Variants in SSBP2 observed in about 807,000 individuals in gnomAD.
SSBP2 encodes the protein single stranded DNA binding protein 2.
A neutral mutation model predicts 61.8 loss-of-function variants in SSBP2; 17 were observed. That is an observed-to-expected ratio of 0.28 (90% CI 0.19 to 0.41). The LOEUF is 0.41. Among genes scored for constraint, SSBP2 ranks in the 10% least tolerant of loss-of-function variants. SSBP2 has a pLI of 1.00. For missense variants in SSBP2, 310 were observed against 458.7 expected (o/e 0.68, Z 2.96); for synonymous variants, 139 against 141.3 (o/e 0.98, Z 0.12).
At chr5:81,606,383 A>G (rs1206928624) in intron 4 of SSBP2, among the ~76,000 whole-genome samples, 2 of 152,190 alleles carry the variant, frequency 1.3e-5, no homozygotes, top group African/African-American at 4.8e-5. Flanking sequence ...CACAGAGACC[A>G]TTTAGAAAGT....
chr5:81,484,280 T>C (rs760325732), intron 6 of SSBP2, among the ~76,000 whole-genome samples: 33 of 152,146 alleles, frequency 2.2e-4, no homozygotes, highest in Non-Finnish European at 4.4e-4. Context: ...GCAAAAGAAG[T>C]GAACATTGTA....
intron 4 of SSBP2, among the ~76,000 whole-genome samples, chr5:81,545,558 T>A (rs902635271): frequency 2.6e-5 from 4 of 152,186 alleles, no homozygotes; most frequent in African/African-American, 9.7e-5. Flanking sequence ...TTCTTCTGCC[T>A]CTCAGGCACA....
At chr5:81,487,821 C>T (rs1203640559) in intron 6 of SSBP2, among the ~76,000 whole-genome samples, 1 of 150,794 alleles carries the variant, frequency 6.6e-6, no homozygotes, top group African/African-American at 2.4e-5. Context: ...TCCTATTTCC[C>T]TGACTTTCTA....
intron 1 of SSBP2, among the ~76,000 whole-genome samples, chr5:81,722,859 G>A (rs1207762937): frequency 2.0e-5 from 3 of 151,908 alleles, no homozygotes; most frequent in African/African-American, 7.2e-5. Flanking sequence ...TGGTGTACAT[G>A]CATAATCACA....
In SSBP2 at chr5:81,467,045, T is replaced by C. The variant is rs1233029853; in HGVS notation, c.571-4A>G. 9 of 1,608,704 alleles carry C rather than the reference T, an allele frequency of 5.6e-6. No homozygotes were observed. Among genetic ancestry groups the C allele is most frequent in the Non-Finnish European group, 7.6e-6 (9 of 1,176,596 alleles). ...GTCTCATTGCACCTCCATAGTTCTG[T>C]AATGATAACCAAGGGTCAGACTACC... On this transcript the variant is annotated splice_polypyrimidine_tract_variant and splice_region_variant and intron_variant, in intron 8 of 16. Coordinates refer to ENST00000320672, the MANE Select transcript of SSBP2 (RefSeq NM_012446.5).
chr5:81,424,361 T>C (rs1761815603), intron 16 of SSBP2, among the ~76,000 whole-genome samples: 2 of 151,788 alleles, frequency 1.3e-5, no homozygotes, highest in South Asian at 4.2e-4. Context: ...GAGGCGGAGG[T>C]TGCAGTGAGC....
Position 81,416,228 on chromosome 5 carries a change from A to T in SSBP2, c.*4276T>A, listed in dbSNP as rs563163600. On this transcript the variant is annotated 3_prime_UTR_variant, in exon 17 of 17. Coordinates refer to ENST00000320672, the MANE Select transcript of SSBP2 (RefSeq NM_012446.5). Reference sequence around the variant, plus strand: ...AAGACTGTCTCAAAAAAAAAAAAGAAAAAAAAATTTAAAAAAAAGGAAAAC... The same window carrying T: ...AAGACTGTCTCAAAAAAAAAAAAGATAAAAAAATTTAAAAAAAAGGAAAAC... 7 of 150,384 alleles carry T rather than the reference A, an allele frequency of 4.7e-5. No individual in the cohort carries two copies. The East Asian group carries it at 1.2e-3, about 25-fold the overall frequency. The allele number at this position is 150,384 out of a possible 1,614,324, so 9.3% of individuals were successfully genotyped here.
intron 2 of SSBP2, among the ~76,000 whole-genome samples, chr5:81,639,673 T>G (rs1316379270): frequency 6.6e-6 from 1 of 152,084 alleles, no homozygotes; most frequent in Non-Finnish European, 1.5e-5. Flanking sequence ...TTTTTTAGCT[T>G]AAATCATAAA....
intron 4 of SSBP2, among the ~76,000 whole-genome samples, chr5:81,545,945 T>C (rs1318532885): frequency 6.6e-6 from 1 of 152,214 alleles, no homozygotes; most frequent in Non-Finnish European, 1.5e-5. Context: ...TGAAATTTCC[T>C]TCCCTTCCTT....
intron 4 of SSBP2, among the ~76,000 whole-genome samples, chr5:81,568,586 C>T (rs1351282793): frequency 6.6e-6 from 1 of 152,134 alleles, no homozygotes; most frequent in Non-Finnish European, 1.5e-5. Context: ...CCATAGTTTA[C>T]TCCAAAACAT....
intron 1 of SSBP2, among the ~76,000 whole-genome samples, chr5:81,750,108 G>A (rs1286212317): frequency 6.6e-6 from 1 of 151,402 alleles, no homozygotes; most frequent in African/African-American, 2.4e-5. Flanking sequence ...CCGCGGAGTT[G>A]GGTCCGCTGC....
At position 81,582,760 on chromosome 5, in the gene SSBP2, A is replaced by G. The variant is rs138347232; in HGVS notation, c.282+32713T>C. 7.1e-3 allele frequency among the ~76,000 whole-genome samples: 1,074 copies of G among 152,124 alleles called. 4 individuals carry two copies. The highest frequency in any genetic ancestry group is 0.012 in the Non-Finnish European group (810 of 67,984). ...AGGCGTGCACCACCATGCTCAGCTA[A>G]TTTTTGTATTTTTAGTAGAGATGGG... On this transcript the variant is annotated intron_variant, in intron 4 of 16. Transcript: ENST00000320672.
chr5:81,711,022 G>A (rs542513076), intron 1 of SSBP2, among the ~76,000 whole-genome samples: 14 of 152,086 alleles, frequency 9.2e-5, no homozygotes, highest in South Asian at 2.1e-4. Context: ...TATAACTACC[G>A]TATCTAATGC....
At chr5:81,710,795 T>C (rs1439442783) in intron 1 of SSBP2, 2 of 412,424 alleles carry the variant, frequency 4.8e-6, no homozygotes, top group African/African-American at 2.1e-5. Flanking sequence ...TAATATGTTT[T>C]AATATAAGGA....
intron 15 of SSBP2, among the ~76,000 whole-genome samples, chr5:81,429,897 T>G (rs1207302331): frequency 6.6e-6 from 1 of 152,124 alleles, no homozygotes; most frequent in Non-Finnish European, 1.5e-5. Context: ...AGAACAAGGA[T>G]CCTCTGAAGT....
intron 1 of SSBP2, among the ~76,000 whole-genome samples, chr5:81,653,113 A>C (rs1160206428): frequency 6.6e-6 from 1 of 151,888 alleles, no homozygotes; most frequent in Non-Finnish European, 1.5e-5. Flanking sequence ...TCACCCACCG[A>C]CAGGCCCCAG....
chr5:81,622,873 G>A (rs1035536801), intron 3 of SSBP2, among the ~76,000 whole-genome samples: 4 of 152,084 alleles, frequency 2.6e-5, no homozygotes, highest in Admixed American at 6.6e-5. Context: ...TACCTTCAGC[G>A]GGGAAAAACG....
At chr5:81,582,649 A>G (rs1348984615) in intron 4 of SSBP2, among the ~76,000 whole-genome samples, 30 of 152,118 alleles carry the variant, frequency 2.0e-4, no homozygotes, top group Admixed American at 1.9e-3. Flanking sequence ...GATGGAGTGC[A>G]GTGGTGCAAT....
At chr5:81,613,709 G>T (rs984299528) in intron 4 of SSBP2, among the ~76,000 whole-genome samples, 4 of 152,158 alleles carry the variant, frequency 2.6e-5, no homozygotes, top group Non-Finnish European at 5.9e-5. Context: ...AATTAGTGGA[G>T]ACAATATCTC....
Sources: gnomAD v4.1 joint callset for allele counts (sites outside exome capture counted in the v4.1 genomes callset) on GRCh38, gnomAD v4.1.1 for gene constraint, MANE v1.5 for transcripts, NCBI Gene and HGNC (gene_info 2026-07-23, HGNC 2026-07-21) for gene names.